Variants in LDB2 observed in about 807,000 individuals in gnomAD.
LDB2 encodes the protein LIM domain-binding protein 2.
A neutral mutation model predicts 44.3 loss-of-function variants in LDB2; 12 were observed. That is an observed-to-expected ratio of 0.27 (90% CI 0.17 to 0.44). The LOEUF (loss-of-function observed/expected upper bound fraction) is 0.44. Among genes scored for constraint, LDB2 ranks in the 20% least tolerant of loss-of-function variants. The pLI is 1.00. For missense variants in LDB2, 344 were observed against 473.5 expected (o/e 0.73, Z 2.54); for synonymous variants, 164 against 174.8 (o/e 0.94, Z 0.49).
At chr4:16,755,292 G>A (rs1232786615) in intron 2 of LDB2, among the ~76,000 whole-genome samples, 1 of 152,166 alleles carries the variant, frequency 6.6e-6, no homozygotes, top group Non-Finnish European at 1.5e-5. Flanking sequence ...ACTTTATGCT[G>A]GACTTAGAAC....
intron 2 of LDB2, among the ~76,000 whole-genome samples, chr4:16,729,561 G>T: frequency 6.6e-6 from 1 of 152,192 alleles, no homozygotes; most frequent in Middle Eastern, 3.4e-3. Context: ...ATTTCAGGCC[G>T]CTTTTATCCT....
chr4:16,503,006 G>A, intron 7 of LDB2, 133 bp from the exon 8 acceptor site: 1 of 1,589,444 alleles, frequency 6.3e-7, no homozygotes, highest in Non-Finnish European at 8.6e-7. Context: ...AAGTCTCAAT[G>A]TCGGGGGCCG....
At chr4:16,897,628 G>A (rs930934890) in intron 1 of LDB2, among the ~76,000 whole-genome samples, 2 of 152,020 alleles carry the variant, frequency 1.3e-5, no homozygotes, top group African/African-American at 4.8e-5. Flanking sequence ...AAAAACTAGA[G>A]CTGACTTGAA....
At chr4:16,695,619 A>C (rs1032990941) in intron 2 of LDB2, among the ~76,000 whole-genome samples, 36 of 152,176 alleles carry the variant, frequency 2.4e-4, no homozygotes, top group Non-Finnish European at 3.7e-4. Context: ...TTTTCTGTAA[A>C]GGATTAAATA....
At chr4:16,866,075 G>A (rs971768028) in intron 1 of LDB2, among the ~76,000 whole-genome samples, 8 of 152,292 alleles carry the variant, frequency 5.3e-5, no homozygotes, top group African/African-American at 1.9e-4. Flanking sequence ...TGTTGTTCCT[G>A]CCTAACAGGA....
chr4:16,864,271 C>G (rs1713846875), intron 1 of LDB2, among the ~76,000 whole-genome samples: 1 of 152,044 alleles, frequency 6.6e-6, no homozygotes, highest in Admixed American at 6.6e-5. Flanking sequence ...TTCTAAAGAT[C>G]CAGGGTAAAT....
rs1223960315 is a variant in LDB2 at position 16,646,640 on chromosome 4, A to C, written c.236-50765T>G. 3.9e-5 allele frequency among the ~76,000 whole-genome samples: 6 copies of C among 152,300 alleles called. No individual in the cohort carries two copies. In the East Asian group the frequency reaches 1.2e-3, roughly 29 times the overall value. ...TACCAATCCTAGCAGGGACCGGCGG[A>C]GTTACAGCTGACTTGCAGATTTAAG... On this transcript the variant is annotated intron_variant, in intron 2 of 7. Transcript: ENST00000304523.
At chr4:16,636,010 T>TAG (rs1306332616) in intron 2 of LDB2, among the ~76,000 whole-genome samples, 2 of 152,042 alleles carry the variant, frequency 1.3e-5, no homozygotes, top group Non-Finnish European at 2.9e-5. Flanking sequence ...AAGTGGCCAA[T>TAG]AGAGATTGAT....
chr4:16,722,011 C>T lies in LDB2; in HGVS notation c.235+37147G>A, dbSNP rs78474677. ...AACTAATTTAAGACAGAATGAAATG[C>T]TGTGTCCATGAGAGGCTGCTGGATT... is the stretch of plus-strand genomic sequence containing the variant. On this transcript the variant is annotated intron_variant, in intron 2 of 7. Transcript: ENST00000304523. Among the ~76,000 whole-genome samples, 177 of 152,150 alleles carry T rather than the reference C, an allele frequency of 1.2e-3. 7 individuals are homozygous for T. In the East Asian group the frequency reaches 0.028, roughly 24 times the overall value.
chr4:16,545,720 C>T (rs1735512377), intron 5 of LDB2, among the ~76,000 whole-genome samples: 1 of 152,098 alleles, frequency 6.6e-6, no homozygotes, highest in African/African-American at 2.4e-5. Context: ...TTCTGACAGC[C>T]CCTGCAGTTA....
At chr4:16,558,496 G>A (rs1356198126) in intron 5 of LDB2, among the ~76,000 whole-genome samples, 1 of 152,162 alleles carries the variant, frequency 6.6e-6, no homozygotes, top group Non-Finnish European at 1.5e-5. Flanking sequence ...GAAGCGAGAA[G>A]GGAAGTTTAG....
intron 4 of LDB2, 70 bp downstream of exon 4, chr4:16,588,640 T>A: frequency 6.6e-7 from 1 of 1,517,556 alleles, no homozygotes; most frequent in African/African-American, 1.4e-5. Flanking sequence ...GAGGACTGGG[T>A]TTTTCCCCTT....
chr4:16,756,587 G>C (rs1364032889), intron 2 of LDB2, among the ~76,000 whole-genome samples: 1 of 152,146 alleles, frequency 6.6e-6, no homozygotes, highest in African/African-American at 2.4e-5. Context: ...CATTTTACTT[G>C]ATTATATAAA....
At chr4:16,883,982 G>A (rs779349607) in intron 1 of LDB2, among the ~76,000 whole-genome samples, 6 of 152,044 alleles carry the variant, frequency 3.9e-5, no homozygotes, top group Non-Finnish European at 5.9e-5. Flanking sequence ...CAGCCAGTAA[G>A]TGTGTGTAAT....
chr4:16,547,333 T>A (rs1316066160), intron 5 of LDB2, among the ~76,000 whole-genome samples: 1 of 152,156 alleles, frequency 6.6e-6, no homozygotes, highest in Admixed American at 6.5e-5. Context: ...ACTTGGGACT[T>A]TTGGCCTCCA....
intron 1 of LDB2, chr4:16,759,469 C>T (rs1419177586): frequency 2.0e-6 from 1 of 504,718 alleles, no homozygotes; most frequent in Non-Finnish European, 3.5e-6. Flanking sequence ...TAAGTGAGCT[C>T]AAACCAATCG....
At chr4:16,821,580 G>A (rs1394835716) in intron 1 of LDB2, among the ~76,000 whole-genome samples, 3 of 149,172 alleles carry the variant, frequency 2.0e-5, no homozygotes, top group Non-Finnish European at 3.0e-5. Context: ...TAGTAGAGAC[G>A]AGGATTCACC....
chr4:16,854,552 T>C lies in LDB2; in HGVS notation c.132+43802A>G, dbSNP rs369301355. Among the ~76,000 whole-genome samples, 22 of 150,596 alleles carry C rather than the reference T, an allele frequency of 1.5e-4. No individual in the cohort carries two copies. In the Middle Eastern group the frequency reaches 0.011, roughly 72 times the overall value. ...ACACACACACAGGTGAAATATATAC[T>C]ATGTATTGTTTATTGTTAAAAAAAG... is the stretch of plus-strand genomic sequence containing the variant. On this transcript the variant is annotated intron_variant, in intron 1 of 7. Coordinates refer to ENST00000304523, the MANE Select transcript of LDB2 (RefSeq NM_001290.5).
chr4:16,875,123 C>A (rs569634328), intron 1 of LDB2, among the ~76,000 whole-genome samples: 2 of 152,188 alleles, frequency 1.3e-5, no homozygotes, highest in South Asian at 2.1e-4. Flanking sequence ...CACTGGACAG[C>A]AAGGCAGGCC....
Sources: gnomAD v4.1 joint callset for allele counts (sites outside exome capture counted in the v4.1 genomes callset) on GRCh38, gnomAD v4.1.1 for gene constraint, MANE v1.5 for transcripts, NCBI Gene and HGNC (gene_info 2026-07-23, HGNC 2026-07-21) for gene names.